CCDC171: variants seen among roughly 807,000 people sequenced by gnomAD.
The protein encoded by CCDC171 is coiled-coil domain containing 171.
In CCDC171, 177 loss-of-function variants were observed where a neutral mutation model predicts 168.2. The observed-to-expected ratio is 1.05, with a 90% CI of 0.93 to 1.19. The LOEUF is 1.19. CCDC171 is among the 50% of genes most tolerant of loss of function. CCDC171 has a pLI of 0.00. For synonymous variants in CCDC171, 687 were observed against 540.8 expected, an observed-to-expected ratio of 1.27 and a Z score of -3.75; for missense variants, 1,991 against 1,539.0, an observed-to-expected ratio of 1.29 and a Z score of -4.91.
chr9:16,050,218 G>C (rs181816045), intron 1 of CCDC171, among the ~76,000 whole-genome samples: 1 of 152,330 alleles, frequency 6.6e-6, no homozygotes, highest in East Asian at 1.9e-4. Flanking sequence ...CACAATGGAA[G>C]ATCTGTATAA....
intron 25 of CCDC171, among the ~76,000 whole-genome samples, chr9:15,932,391 C>G (rs1234646328): frequency 1.3e-5 from 2 of 151,632 alleles, no homozygotes; most frequent in East Asian, 1.9e-4. Flanking sequence ...GAATTGTTTT[C>G]TTTATTTCTT....
In CCDC171 at chr9:15,682,428, A is replaced by C. The variant is rs1463014626; in HGVS notation, c.1215+3532A>C. On this transcript the variant is annotated intron_variant, in intron 10 of 25. Coordinates refer to ENST00000380701, the MANE Select transcript of CCDC171 (RefSeq NM_173550.4). ...GTTGTCTTTTGGGGGTATTTAATAA[A>C]TATAAACCAGCTAAATTTAATTGTA... Among the ~76,000 whole-genome samples, 3 of 152,020 alleles carry C rather than the reference A, an allele frequency of 2.0e-5. No homozygotes were observed. The East Asian group carries it at 5.8e-4, about 29-fold the overall frequency.
At chr9:15,689,428 A>T (rs555022260) in intron 10 of CCDC171, among the ~76,000 whole-genome samples, 1 of 152,252 alleles carries the variant, frequency 6.6e-6, no homozygotes, top group East Asian at 1.9e-4. Context: ...AAATATAAGG[A>T]GGCCCAGCAC....
intron 21 of CCDC171, among the ~76,000 whole-genome samples, chr9:15,812,499 C>A (rs1229048302): frequency 6.6e-6 from 1 of 152,052 alleles, no homozygotes; most frequent in African/African-American, 2.4e-5. Context: ...TAACCTTAAA[C>A]AAAATTTGGG....
chr9:15,932,383 ATTG>A (rs1216214171), intron 25 of CCDC171, among the ~76,000 whole-genome samples: 1 of 151,762 alleles, frequency 6.6e-6, no homozygotes, highest in Non-Finnish European at 1.5e-5. Flanking sequence ...TGTAAACGGA[ATTG>A]TTTTCTTTAT....
intron 10 of CCDC171, among the ~76,000 whole-genome samples, chr9:15,691,108 A>T (rs1255132506): frequency 5.3e-5 from 8 of 152,158 alleles, no homozygotes; most frequent in Non-Finnish European, 7.4e-5. Flanking sequence ...GATATACTTA[A>T]CGTACATGCA....
chr9:15,614,121 C>G (rs541863687), intron 6 of CCDC171, among the ~76,000 whole-genome samples: 6 of 152,302 alleles, frequency 3.9e-5, no homozygotes, highest in Admixed American at 1.3e-4. Context: ...TTGCACAGAG[C>G]CTTAAGGTCA....
At position 15,818,093 on chromosome 9, in the gene CCDC171, T is replaced by G. The variant is rs2059628559; in HGVS notation, c.3268-28609T>G. Among the ~76,000 whole-genome samples the G allele has an allele frequency of 1.7e-5, 2 of 116,826 alleles. 1 individual carries two copies. The highest frequency in any genetic ancestry group is 6.5e-5 in the African/African-American group (2 of 31,004). The allele number at this position is 116,826 out of a possible 152,430, so 76.6% of individuals were successfully genotyped here. A position where few individuals can be genotyped will look rare whatever the true frequency, so the allele number is the denominator to read the frequency against. ...ATACCCAGGCAAACAGGGTCTGGAG[T>G]GGACCTCCAGTAAACCCCAACAGAC... On this transcript the variant is annotated intron_variant, in intron 21 of 25. Transcript: ENST00000380701.
At chr9:15,853,988 A>C (rs952975680) in intron 23 of CCDC171, among the ~76,000 whole-genome samples, 1 of 147,830 alleles carries the variant, frequency 6.8e-6, no homozygotes, top group Non-Finnish European at 1.5e-5. Context: ...ATATGCTGCT[A>C]GGTTTGGTTT....
At chr9:15,708,728 CT>C in intron 11 of CCDC171, among the ~76,000 whole-genome samples, 1 of 152,138 alleles carries the variant, frequency 6.6e-6, no homozygotes, top group South Asian at 2.1e-4. Flanking sequence ...TCCCTATAGT[CT>C]ATCTAACTAT....
intron 4 of CCDC171, among the ~76,000 whole-genome samples, chr9:15,590,773 CTTTCTT>C (rs1563999520): frequency 1.3e-5 from 1 of 75,604 alleles, no homozygotes; most frequent in African/African-American, 5.4e-5. Context: ...CTTTCTTTCT[CTTTCTT>C]TCTTTCTTTC....
At chr9:15,989,212 T>C (rs1173941204) in intron 3 of CCDC171, among the ~76,000 whole-genome samples, 1 of 152,008 alleles carries the variant, frequency 6.6e-6, no homozygotes, top group Non-Finnish European at 1.5e-5. Context: ...CACGGCAGGG[T>C]ACTGCTCTGA....
intron 15 of CCDC171, among the ~76,000 whole-genome samples, chr9:15,728,877 A>G (rs2053982970): frequency 6.6e-6 from 1 of 152,184 alleles, no homozygotes; most frequent in Admixed American, 6.6e-5. Context: ...TTGAAGTAAT[A>G]AAACAGCATA....
At chr9:15,922,127 C>T (rs1456648576) in intron 25 of CCDC171, 1 of 382,694 alleles carries the variant, frequency 2.6e-6, no homozygotes, top group East Asian at 7.4e-5. Flanking sequence ...TTCATCATTT[C>T]ATTTAGAAGA....
intron 21 of CCDC171, among the ~76,000 whole-genome samples, chr9:15,800,528 A>C (rs1363040358): frequency 6.6e-6 from 1 of 152,040 alleles, no homozygotes; most frequent in Non-Finnish European, 1.5e-5. Context: ...TGTCAGATGG[A>C]CAGTTTGCAA....
intron 6 of CCDC171, among the ~76,000 whole-genome samples, chr9:15,598,842 G>T (rs951143026): frequency 3.9e-5 from 6 of 152,218 alleles, no homozygotes; most frequent in East Asian, 3.9e-4. Flanking sequence ...CCTGTATTGG[G>T]TGCATATATA....
In CCDC171 at chr9:15,604,944, G is replaced by T. The variant is rs76251371; in HGVS notation, c.675+10772G>T. 8.7e-3 allele frequency among the ~76,000 whole-genome samples: 1,327 copies of T among 152,228 alleles called. 21 individuals are homozygous for T. The highest frequency in any genetic ancestry group is 0.03 in the African/African-American group (1,253 of 41,534). On this transcript the variant is annotated intron_variant, in intron 6 of 25. Transcript: ENST00000380701. Reference sequence around the variant, plus strand: ...TATTATTTTATATTTTTGAGACAAGGTCTCACTCTGTTGCCCATGTTGGAG... The same window carrying T: ...TATTATTTTATATTTTTGAGACAAGTTCTCACTCTGTTGCCCATGTTGGAG...
In CCDC171 at chr9:15,993,069, G is replaced by T. The variant is rs951884256; in HGVS notation, n.369-27520G>T. 4.6e-5 allele frequency among the ~76,000 whole-genome samples: 7 copies of T among 152,186 alleles called. No homozygotes were observed. The East Asian group carries it at 7.7e-4, about 17-fold the overall frequency. On this transcript the variant is annotated intron_variant and non_coding_transcript_variant, in intron 3 of 9. Coordinates refer to the CCDC171 transcript ENST00000486641. ...TATCCCCATCAAGCTACCAATGACT[G>T]TCTTCACAGAATTGGAAAAAACTAC...
intron 6 of CCDC171, among the ~76,000 whole-genome samples, chr9:15,602,745 C>T (rs545917164): frequency 6.7e-6 from 1 of 149,874 alleles, no homozygotes; most frequent in Non-Finnish European, 1.5e-5. Flanking sequence ...AACCTCTCCG[C>T]CTCCCGGGTT....
Sources: gnomAD v4.1 joint callset for allele counts (sites outside exome capture counted in the v4.1 genomes callset) on GRCh38, gnomAD v4.1.1 for gene constraint, MANE v1.5 for transcripts, NCBI Gene and HGNC (gene_info 2026-07-23, HGNC 2026-07-21) for gene names.